KYNU: variants seen among roughly 807,000 people sequenced by gnomAD.
KYNU encodes the protein L-kynurenine hydrolase.
KYNU carries 54 observed loss-of-function variants against 59.2 expected under a neutral mutation model. The ratio of observed to expected loss-of-function variants is 0.91; its 90% CI spans 0.73 to 1.14. KYNU has a LOEUF of 1.14. Among genes scored for constraint, KYNU ranks in the 50% most tolerant of loss-of-function variants. The pLI is 0.00. For missense variants in KYNU, 567 were observed against 554.4 expected (o/e 1.02, Z -0.23); for synonymous variants, 177 against 192.0 (o/e 0.92, Z 0.65).
intron 10 of KYNU, chr2:142,989,531 G>T (rs1421542777): frequency 1.0e-6 from 1 of 976,064 alleles, no homozygotes. Context: ...AAATAATATC[G>T]AAATAACATT....
intron 8 of KYNU, among the ~76,000 whole-genome samples, chr2:142,974,090 C>A (rs1684819726): frequency 6.6e-6 from 1 of 152,180 alleles, no homozygotes; most frequent in Non-Finnish European, 1.5e-5. Flanking sequence ...TTCCCATAGT[C>A]AACCAAAAAG....
Position 143,052,574 on chromosome 2 carries a change from G to A in KYNU, c.*10402G>A, listed in dbSNP as rs1035773982. The stretch of plus-strand genomic sequence containing the variant: ...CCAGCAGCTCCATCCATGACTAAAA[G>A]GGGCCAAGGTACAGCTTGGGCTGTG... On this transcript the variant is annotated 3_prime_UTR_variant, in exon 14 of 14. Coordinates refer to ENST00000264170, the MANE Select transcript of KYNU (RefSeq NM_003937.3). The A allele has an allele frequency of 1.3e-4, 20 of 152,364 alleles. No homozygotes were observed. Among genetic ancestry groups the A allele is most frequent in the African/African-American group, 4.8e-4 (20 of 41,538 alleles). The allele number at this position is 152,364 out of a possible 1,614,324, so 9.4% of individuals were successfully genotyped here. A position where few individuals can be genotyped will look rare whatever the true frequency, so the allele number is the denominator to read the frequency against.
intron 2 of KYNU, among the ~76,000 whole-genome samples, chr2:142,917,507 G>T (rs2104988680): frequency 6.6e-6 from 1 of 151,914 alleles, no homozygotes; most frequent in Admixed American, 6.6e-5. Flanking sequence ...TCACTATGTT[G>T]CCCATGCTTG....
intron 10 of KYNU, among the ~76,000 whole-genome samples, chr2:143,012,548 T>C (rs1686140024): frequency 6.6e-6 from 1 of 151,784 alleles, no homozygotes; most frequent in African/African-American, 2.4e-5. Context: ...GGCCCATGTG[T>C]CATTTCCCAT....
chr2:142,936,445 G>A (rs1558931192), intron 4 of KYNU, among the ~76,000 whole-genome samples: 1 of 152,102 alleles, frequency 6.6e-6, no homozygotes, highest in African/African-American at 2.4e-5. Flanking sequence ...CTGTTTTTTG[G>A]AATAGAGGAC....
At chr2:142,971,091 G>A (rs1684706734) in intron 8 of KYNU, 1 of 152,096 alleles carries the variant, frequency 6.6e-6, no homozygotes, top group African/African-American at 2.4e-5. Flanking sequence ...GAAATCATGA[G>A]ATTTCATATA....
At chr2:143,034,293 AT>A (rs1350901092) in intron 12 of KYNU, among the ~76,000 whole-genome samples, 14 of 152,068 alleles carry the variant, frequency 9.2e-5, no homozygotes, top group Non-Finnish European at 2.1e-4. Flanking sequence ...AGGATTTGAA[AT>A]TTTTTCATGT....
intron 8 of KYNU, among the ~76,000 whole-genome samples, chr2:142,978,708 C>A (rs1684959201): frequency 6.6e-6 from 1 of 152,132 alleles, no homozygotes; most frequent in South Asian, 2.1e-4. Context: ...TGTACCTTAA[C>A]TATTTTATTA....
intron 10 of KYNU, among the ~76,000 whole-genome samples, chr2:143,011,925 A>G (rs1393595013): frequency 4.8e-5 from 6 of 125,986 alleles, no homozygotes; most frequent in African/African-American, 9.1e-5. Flanking sequence ...GGGTGGGGGG[A>G]GTGGGGAGGG....
rs148272892 is a variant in KYNU, at chr2:142,982,588, G to A, written c.730-2496G>A. Reference sequence around the variant, plus strand: ...TCATGACAAGTAAATAACTAAAACAGAATGGAGTCAGATCAGAAGAGACTC... The same window carrying A: ...TCATGACAAGTAAATAACTAAAACAAAATGGAGTCAGATCAGAAGAGACTC... On this transcript the variant is annotated intron_variant, in intron 8 of 13. Coordinates refer to ENST00000264170, the MANE Select transcript of KYNU (RefSeq NM_003937.3). Among the ~76,000 whole-genome samples, 8 of 152,146 alleles carry A rather than the reference G, an allele frequency of 5.3e-5. No individual in the cohort carries two copies. The East Asian group carries it at 1.6e-3, about 30-fold the overall frequency.
In KYNU at chr2:142,918,670, C is replaced by A. The variant is rs1472100679; in HGVS notation, c.231C>A (p.Gly77=). 1 of 1,610,770 alleles carries A rather than the reference C, an allele frequency of 6.2e-7. No homozygotes were observed. Among genetic ancestry groups the A allele is most frequent in the Non-Finnish European group, 8.5e-7 (1 of 1,178,676 alleles). The stretch of plus-strand genomic sequence containing the variant: ...TCTATTTCTTGGGAAATTCTCTTGG[C>A]CTTCAACCAAAAATGGTTAAAACAT... ...NAIYFLGNSL[G]LQPKMVKTYL... The change falls in exon 3 of 14, where the codon GGC becomes GGA. Residue 77 remains glycine (G), a synonymous_variant. Coordinates refer to ENST00000264170, the MANE Select transcript of KYNU (RefSeq NM_003937.3).
intron 10 of KYNU, among the ~76,000 whole-genome samples, chr2:143,019,843 T>C (rs1335087040): frequency 6.6e-6 from 1 of 152,004 alleles, no homozygotes; most frequent in African/African-American, 2.4e-5. Context: ...TACTGTTTCT[T>C]CATAGTTCAA....
intron 2 of KYNU, among the ~76,000 whole-genome samples, chr2:142,889,416 C>T (rs1324071066): frequency 1.3e-5 from 2 of 152,048 alleles, no homozygotes; most frequent in Admixed American, 6.6e-5. Flanking sequence ...AAAGTCTATC[C>T]GGGAGAAGGG....
chr2:142,986,201 T>G (rs1248586131), intron 10 of KYNU, among the ~76,000 whole-genome samples, 180 bp downstream of exon 10: 1 of 151,992 alleles, frequency 6.6e-6, no homozygotes, highest in Non-Finnish European at 1.5e-5. Flanking sequence ...TTCCAAAGAA[T>G]TCAATTGGTT....
chr2:143,041,153 T>A (rs568324216), intron 13 of KYNU, among the ~76,000 whole-genome samples: 17 of 152,202 alleles, frequency 1.1e-4, no homozygotes, highest in African/African-American at 4.1e-4. Flanking sequence ...TTGCAAGGAA[T>A]AATTTTTTTT....
At chr2:143,022,156 A>G (rs1686429039) in intron 10 of KYNU, among the ~76,000 whole-genome samples, 1 of 152,130 alleles carries the variant, frequency 6.6e-6, no homozygotes, top group African/African-American at 2.4e-5. Flanking sequence ...TTGCTAAATC[A>G]GAGTTTGACT....
intron 2 of KYNU, among the ~76,000 whole-genome samples, chr2:142,886,800 C>G (rs1198105955): frequency 2.0e-5 from 3 of 152,164 alleles, no homozygotes; most frequent in Non-Finnish European, 4.4e-5. Flanking sequence ...CAAGTCAGGT[C>G]TGGTTGATGG....
chr2:143,004,230 C>T (rs953494063), intron 10 of KYNU, among the ~76,000 whole-genome samples: 1 of 152,158 alleles, frequency 6.6e-6, no homozygotes, highest in Non-Finnish European at 1.5e-5. Context: ...TTGACAGGCA[C>T]TGTGCTAGAA....
chr2:142,880,046 G>A (rs557884665), intron 1 of KYNU, among the ~76,000 whole-genome samples: 1 of 152,230 alleles, frequency 6.6e-6, no homozygotes, highest in South Asian at 2.1e-4. Context: ...ATGAGAGAGG[G>A]TGCCCTTCTA....
Sources: allele counts gnomAD v4.1 joint callset (sites outside exome capture counted in the v4.1 genomes callset), GRCh38; gene constraint gnomAD v4.1.1; transcripts MANE v1.5; gene names NCBI Gene and HGNC (gene_info 2026-07-23, HGNC 2026-07-21).